Variants in SALL2 observed in about 807,000 individuals in gnomAD.
The protein encoded by SALL2 is sal-like protein 2.
In SALL2, 32 loss-of-function variants were observed where a neutral mutation model predicts 58.5. That is an observed-to-expected ratio of 0.55 (90% confidence interval 0.41 to 0.74). SALL2 has a LOEUF of 0.74. Among genes scored for constraint, SALL2 ranks in the 30% least tolerant of loss-of-function variants. SALL2 has a pLI of 0.00. For missense variants in SALL2, 1,201 were observed against 1,268.9 expected, an observed-to-expected ratio of 0.95 and a Z score of 0.81; for synonymous variants, 516 against 513.6, an observed-to-expected ratio of 1.00 and a Z score of -0.06.
At position 21,522,855 on chromosome 14, in the gene SALL2, T is replaced by C; in HGVS notation, c.2867A>G (p.His956Arg). The change falls in exon 2 of 2, where the codon CAT becomes CGT. Residue 956 changes from histidine to arginine, a missense_variant. Coordinates refer to ENST00000537235, the MANE Select transcript of SALL2 (RefSeq NM_001364564.1). ...TACCTGGTGGTGTGCCAGGAGCATA[T>C]GCTTCTTGAGGGTAGCCCGCTCAAG... ...GFLERATLKK[H>R]MLLAHHQVQP... The C allele has an allele frequency of 6.2e-7, 1 of 1,611,008 alleles. No individual in the cohort carries two copies. Among genetic ancestry groups the C allele is most frequent in the Non-Finnish European group, 8.5e-7 (1 of 1,178,542 alleles).
In SALL2 at chr14:21,536,860, G is replaced by A. The variant is rs1892610099; in HGVS notation, c.-114+102C>T. The A allele has an allele frequency of 3.7e-6, 6 of 1,613,878 alleles. No individual in the cohort carries two copies. The South Asian group carries it at 6.6e-5, about 18-fold the overall frequency. ...CCCCAGGCACCCACCGTTCTCAGACGCGCTGGGACCTTCGCAGTCCGAGAT... is the reference window on the plus strand; with the variant it reads ...CCCCAGGCACCCACCGTTCTCAGACACGCTGGGACCTTCGCAGTCCGAGAT... On this transcript the variant is annotated intron_variant, in intron 1 of 1. Transcript: ENST00000541965.
chr14:21,531,888 C>A (rs1030804351), intron 1 of SALL2, among the ~76,000 whole-genome samples: 3 of 151,990 alleles, frequency 2.0e-5, no homozygotes, highest in Non-Finnish European at 4.4e-5. Flanking sequence ...CGCCATCACA[C>A]CCAGCTAATT....
Position 21,523,815 on chromosome 14 carries a change from C to A in SALL2, c.1907G>T (p.Arg636Leu). 1 of 1,614,158 alleles carries A rather than the reference C, an allele frequency of 6.2e-7. No homozygotes were observed. The highest frequency in any genetic ancestry group is 8.5e-7 in the Non-Finnish European group (1 of 1,180,050). ...SGPNQCVICL[R>L]VLSCPRALRL... ...TAGGGCCCGAGGACAGCTAAGCACTCGGAGACAGATGACACACTGGTTAGG... is the reference window on the plus strand; with the variant it reads ...TAGGGCCCGAGGACAGCTAAGCACTAGGAGACAGATGACACACTGGTTAGG... Residue 636 changes from arginine to leucine, a missense_variant, in exon 2 of 2, where the codon CGA (arginine) becomes CTA (leucine). Arg to Leu is a moderately radical substitution (Grantham distance 102). Transcript: ENST00000537235. This position sits in a 1 kb window ranked among gnomAD's most constrained non-coding sequence, Gnocchi z 4.4.
At chr14:21,531,098 T>C (rs936384953), upstream of SALL2, among the ~76,000 whole-genome samples, 8 of 152,220 alleles carry the variant, frequency 5.3e-5, no homozygotes, top group African/African-American at 1.2e-4. Context: ...AACTATGGCC[T>C]ATGTAACACA....
rs1355212566 is a variant in SALL2, at chr14:21,525,077, C to T, written c.645G>A (p.Val215=). 1.2e-6 allele frequency: 2 copies of T among 1,614,084 alleles called. No homozygotes were observed. Among genetic ancestry groups the T allele is most frequent in the East Asian group, 2.2e-5 (1 of 44,886 alleles). ...VLLLGSLGQT[V]GAPASPSELP... is the part of the protein sequence containing the mutation. ...GCTCTGAGGGACTGGCAGGGGCACCCACCGTCTGGCCTAAGGAGCCAAGCA... is the reference window on the plus strand; with the variant it reads ...GCTCTGAGGGACTGGCAGGGGCACCTACCGTCTGGCCTAAGGAGCCAAGCA... Residue 215 remains valine (V), a synonymous_variant, in exon 2 of 2, where the codon GTG becomes GTA. Coordinates refer to ENST00000537235, the MANE Select transcript of SALL2 (RefSeq NM_001364564.1). This position sits in a 1 kb window ranked among gnomAD's most constrained non-coding sequence, Gnocchi z 4.4.
intron 1 of SALL2, among the ~76,000 whole-genome samples, chr14:21,533,668 A>G (rs1490295220): frequency 2.0e-5 from 3 of 151,716 alleles, no homozygotes; most frequent in South Asian, 2.1e-4. Context: ...ATATGCAATA[A>G]CTGTTCTGTT....
At position 21,526,265 on chromosome 14, in the gene SALL2, GGGCAGGGAGCAGCGGCGGA is replaced by G; in HGVS notation, c.-157_-139del. ...CGGAGATGGAGATCGGCAGCGGCGGGGGCAGGGAGCAGCGGCGGAGGGGGAGGGGAGCGAGGAGGCGGGG... is the reference window on the plus strand; with the variant it reads ...CGGAGATGGAGATCGGCAGCGGCGGGGGGGGAGGGGAGCGAGGAGGCGGGG... On this transcript the variant is annotated 5_prime_UTR_variant, in exon 1 of 2. Transcript: ENST00000537235. 1.4e-6 allele frequency: 2 copies of G among 1,446,982 alleles called. No individual in the cohort carries two copies. Among genetic ancestry groups the G allele is most frequent in the South Asian group, 2.8e-5 (2 of 70,226 alleles). The allele number at this position is 1,446,982 out of a possible 1,614,324, so 89.6% of individuals were successfully genotyped here. A position where few individuals can be genotyped will look rare whatever the true frequency, so the allele number is the denominator to read the frequency against.
Position 21,522,729 on chromosome 14 carries a change from C to G in SALL2, c.2993G>C (p.Arg998Pro). ...TCATGGGATCGTGGGGTCATCTTTT[C>G]GGGGAAAGGGGGAGAGCCCTGTGGA... ...ITSTGLSPFP[R>P]KDDPTIP Residue 998 changes from arginine to proline, a missense_variant, in exon 2 of 2, where the codon CGA (arginine) becomes CCA (proline). Around this residue, in one of 3 missense-constraint regions of SALL2, gnomAD observed 675 missense variants for 683.8 expected, o/e 0.99. Transcript: ENST00000537235. 1 of 1,526,676 alleles carries G rather than the reference C, an allele frequency of 6.6e-7. No individual in the cohort carries two copies. Among genetic ancestry groups the G allele is most frequent in the Non-Finnish European group, 8.8e-7 (1 of 1,139,118 alleles). 94.6% of individuals were successfully genotyped at this position (1,526,676 alleles called of 1,614,324 possible). A position where few individuals can be genotyped will look rare whatever the true frequency, so the allele number is the denominator to read the frequency against.
Position 21,525,657 on chromosome 14 carries a change from G to A in SALL2, c.68-3C>T. ...GTGATCCTCCTCGCTAGCATCACCT[G>A]GGGAGAAGACAAGGAGAGAGAGCGT... On this transcript the variant is annotated splice_region_variant and splice_polypyrimidine_tract_variant and intron_variant, in intron 1 of 1. Transcript: ENST00000537235. The surrounding 1 kb of genome is among the most constrained non-coding windows in gnomAD (Gnocchi z 4.4). 6.4e-7 allele frequency: 1 copy of A among 1,562,634 alleles called. No individual in the cohort carries two copies. Among genetic ancestry groups the A allele is most frequent in the Non-Finnish European group, 8.7e-7 (1 of 1,151,804 alleles).
chr14:21,536,977 G>T, exon 1 of SALL2: 1 of 1,525,668 alleles, frequency 6.6e-7, no homozygotes, highest in Non-Finnish European at 9.1e-7. Context: ...CTTAACCGGG[G>T]TGACCTGGTC....
chr14:21,524,475 A>G lies in SALL2; in HGVS notation c.1247T>C (p.Val416Ala). 1 of 1,614,224 alleles carries G rather than the reference A, an allele frequency of 6.2e-7. No homozygotes were observed. The highest frequency in any genetic ancestry group is 1.6e-4 in the Middle Eastern group (1 of 6,062). The stretch of plus-strand genomic sequence containing the variant: ...CTTCTCACGATGCCGGTGGAAATGC[A>G]CTTTGAGGTTGCCACGGGTGGTAAA... ...NRFTTRGNLK[V>A]HFHRHREKYP... The change falls in exon 2 of 2, where the codon GTG becomes GCG. Residue 416 changes from valine (V) to alanine (A), a missense_variant. Around this residue, in one of 3 missense-constraint regions of SALL2, gnomAD observed 59 missense variants for 116.2 expected, o/e 0.51. Coordinates refer to ENST00000537235, the MANE Select transcript of SALL2 (RefSeq NM_001364564.1).
upstream of SALL2, among the ~76,000 whole-genome samples, chr14:21,527,784 G>T (rs1281317051): frequency 6.6e-6 from 1 of 151,916 alleles, no homozygotes; most frequent in Non-Finnish European, 1.5e-5. Flanking sequence ...TGAGGCTGCA[G>T]TGAGCTGTGA....
upstream of SALL2, among the ~76,000 whole-genome samples, chr14:21,526,949 GCC>G (rs1892336139): frequency 1.3e-5 from 2 of 151,990 alleles, no homozygotes; most frequent in Non-Finnish European, 2.9e-5. Context: ...GGAACACTAA[GCC>G]CCTTCACTCC....
At position 21,525,768 on chromosome 14, in the gene SALL2, A is replaced by C; in HGVS notation, c.68-114T>G. 6 of 1,108,034 alleles carry C rather than the reference A, an allele frequency of 5.4e-6. No homozygotes were observed. Among genetic ancestry groups the C allele is most frequent in the Non-Finnish European group, 7.4e-6 (6 of 813,352 alleles). 68.6% of individuals were successfully genotyped at this position (1,108,034 alleles called of 1,614,324 possible). On this transcript the variant is annotated intron_variant, in intron 1 of 1. Transcript: ENST00000537235. This position sits in a 1 kb window ranked among gnomAD's most constrained non-coding sequence, Gnocchi z 4.4. The stretch of plus-strand genomic sequence containing the variant: ...TAGTTGGGGGTGGGGAGATGAGCTC[A>C]CCATCAGGGCCATGCAGAAGTCTAG...
chr14:21,524,882 C>T lies in SALL2; in HGVS notation c.840G>A (p.Gly280=), dbSNP rs768588596. ...CTCCAGCAGAGAAAGGATGCTGTGA[C>T]CCCAGTGGGTGGTAAAGGTGGAAGA... ...QAFFHLYHPL[G]SQHPFSAGGV... The change falls in exon 2 of 2, where the codon GGG becomes GGA. Residue 280 remains glycine, a synonymous_variant. Coordinates refer to ENST00000537235, the MANE Select transcript of SALL2 (RefSeq NM_001364564.1). The T allele has an allele frequency of 1.7e-5, 28 of 1,614,008 alleles. No homozygotes were observed. The highest frequency in any genetic ancestry group is 2.4e-5 in the Non-Finnish European group (28 of 1,180,012).
chr14:21,531,023 C>T (rs373246783), upstream of SALL2, among the ~76,000 whole-genome samples: 2 of 152,316 alleles, frequency 1.3e-5, no homozygotes, highest in South Asian at 4.1e-4. Context: ...TCATCTTCTC[C>T]TCCTTACTCC....
chr14:21,528,519 C>G (rs911559593), upstream of SALL2, among the ~76,000 whole-genome samples: 1 of 152,128 alleles, frequency 6.6e-6, no homozygotes, highest in African/African-American at 2.4e-5. Context: ...TAATAAGGCT[C>G]TTAGCATTGT....
chr14:21,524,296 C>G lies in SALL2; in HGVS notation c.1426G>C (p.Val476Leu), dbSNP rs1373823836. The change falls in exon 2 of 2, where the codon GTG (valine) becomes CTG (leucine). Residue 476 changes from valine to leucine, a missense_variant. Val to Leu is a conservative substitution (Grantham distance 32). Around this residue, in one of 3 missense-constraint regions of SALL2, gnomAD observed 675 missense variants for 683.8 expected, o/e 0.99. Coordinates refer to ENST00000537235, the MANE Select transcript of SALL2 (RefSeq NM_001364564.1). ...GCACTGAGTGCTGTTGTGGAGGCCACCAGAGGCTTGCGCTCAACCCCTCCA... is the reference window on the plus strand; with the variant it reads ...GCACTGAGTGCTGTTGTGGAGGCCAGCAGAGGCTTGCGCTCAACCCCTCCA... ...PGGGVERKPL[V>L]ASTTALSATE... The G allele has an allele frequency of 6.2e-7, 1 of 1,613,738 alleles. No individual in the cohort carries two copies. The highest frequency in any genetic ancestry group is 8.5e-7 in the Non-Finnish European group (1 of 1,179,900).
Position 21,524,113 on chromosome 14 carries a change from C to T in SALL2, c.1609G>A (p.Val537Met). The change falls in exon 2 of 2, where the codon GTG becomes ATG. Residue 537 changes from valine (V) to methionine (M), a missense_variant. Physicochemically the swap from Val to Met is conservative, Grantham distance 21. Transcript: ENST00000537235. ...CGAGTTGCCGTGCTACTTTCTGCCA[C>T]TCCACTGATGGCTGAGCCCTCACTC... ...PGSEGSAISG[V>M]AESSTATRMQ... is the part of the protein sequence containing the mutation. 3.7e-6 allele frequency: 6 copies of T among 1,613,696 alleles called. No homozygotes were observed. Among genetic ancestry groups the T allele is most frequent in the Non-Finnish European group, 4.2e-6 (5 of 1,179,768 alleles).
Sources: gnomAD v4.1 joint callset for allele counts (sites outside exome capture counted in the v4.1 genomes callset) on GRCh38, gnomAD v4.1.1 for gene constraint, gnomAD v4.1.1 regional missense constraint, Gnocchi (gnomAD v3.1) non-coding constraint, MANE v1.5 for transcripts, NCBI Gene and HGNC (gene_info 2026-07-23, HGNC 2026-07-21) for gene names.